FERRY3: variants seen among roughly 807,000 people sequenced by gnomAD.
FERRY3 encodes protein C12orf4.
chr12:4,507,740 T>G, the FERRY3 span, among the ~76,000 whole-genome samples: 1 of 152,202 alleles, frequency 6.6e-6, no homozygotes, highest in African/African-American at 2.4e-5. Flanking sequence ...ATGGTCTTTA[T>G]GGACTGATAC....
chr12:4,505,084 G>A, the FERRY3 span, among the ~76,000 whole-genome samples: 1 of 152,180 alleles, frequency 6.6e-6, no homozygotes, highest in East Asian at 1.9e-4. Context: ...CAGCCTGGGC[G>A]ACAGAACGAG....
chr12:4,490,676 T>A, the FERRY3 span: 2 of 1,065,058 alleles, frequency 1.9e-6, no homozygotes, highest in African/African-American at 1.6e-5. Context: ...GAATTTTCAC[T>A]GTGGGGCTTC....
the FERRY3 span, chr12:4,490,458 C>T: frequency 6.1e-6 from 8 of 1,310,376 alleles, no homozygotes; most frequent in South Asian, 1.1e-4. Context: ...GGATGCCTAG[C>T]TGTATCTGTG....
chr12:4,495,874 A>G, the FERRY3 span, among the ~76,000 whole-genome samples: 1 of 152,224 alleles, frequency 6.6e-6, no homozygotes, highest in Non-Finnish European at 1.5e-5. Flanking sequence ...CATCAATGCT[A>G]TTTAGAGAAT....
chr12:4,517,890 G>A, the FERRY3 span, among the ~76,000 whole-genome samples: 5 of 151,850 alleles, frequency 3.3e-5, no homozygotes, highest in Non-Finnish European at 7.4e-5. Context: ...GCACTCTATC[G>A]ATGCTACAGT....
At chr12:4,536,149 CAAATTCTCTCTCTCTATTGCAGAA>C in the FERRY3 span, 10 of 1,602,916 alleles carry the variant, frequency 6.2e-6, no homozygotes, top group African/African-American at 1.3e-5. Context: ...AATTTATATA[CAAATTCTCTCTCTCTATTGCAGAA>C]TCTTTCTCTG....
the FERRY3 span, chr12:4,529,736 A>C: frequency 2.8e-3 from 2,059 of 736,862 alleles, 26 homozygotes; most frequent in African/African-American, 0.034. Context: ...AACATACAAG[A>C]AAATTAATTT....
chr12:4,487,748 AT>A, the FERRY3 span: 4 of 152,154 alleles, frequency 2.6e-5, no homozygotes, highest in African/African-American at 9.7e-5. Flanking sequence ...TATTTTTAAA[AT>A]TTTTATTGTA....
At chr12:4,506,446 CAGAG>C in the FERRY3 span, among the ~76,000 whole-genome samples, 2 of 152,052 alleles carry the variant, frequency 1.3e-5, no homozygotes, top group Non-Finnish European at 1.5e-5. Flanking sequence ...AATCAAGAGT[CAGAG>C]AGATAGAAGG....
At chr12:4,531,175 G>A in the FERRY3 span, among the ~76,000 whole-genome samples, 1 of 152,206 alleles carries the variant, frequency 6.6e-6, no homozygotes, top group East Asian at 1.9e-4. Context: ...AAAGGCAGGA[G>A]ACTAGCTGAA....
the FERRY3 span, chr12:4,534,199 A>G: frequency 9.3e-6 from 15 of 1,611,356 alleles, no homozygotes; most frequent in Admixed American, 1.7e-5. Flanking sequence ...GCTGATGTAA[A>G]TCTACTTCAC....
At chr12:4,520,408 G>C in the FERRY3 span, among the ~76,000 whole-genome samples, 17 of 152,326 alleles carry the variant, frequency 1.1e-4, no homozygotes, top group African/African-American at 3.8e-4. Context: ...CTAGATTCAA[G>C]TAACAAGTAA....
chr12:4,519,225 T>C, the FERRY3 span, among the ~76,000 whole-genome samples: 1 of 152,218 alleles, frequency 6.6e-6, no homozygotes, highest in Non-Finnish European at 1.5e-5. The surrounding 1 kb of genome is among the most constrained non-coding windows in gnomAD (Gnocchi z 4.3). Context: ...AAATATATAA[T>C]ACATCCTATA....
the FERRY3 span, among the ~76,000 whole-genome samples, chr12:4,495,298 A>C: frequency 2.0e-5 from 3 of 152,208 alleles, no homozygotes; most frequent in African/African-American, 7.2e-5. Context: ...TATTACTCTA[A>C]AACCAATCAT....
the FERRY3 span, chr12:4,490,016 G>T: frequency 1.5e-6 from 1 of 645,718 alleles, no homozygotes. Context: ...AGTGCAGTAG[G>T]TGAAAATTAT....
chr12:4,499,688 C>G, the FERRY3 span, among the ~76,000 whole-genome samples: 2 of 152,178 alleles, frequency 1.3e-5, no homozygotes, highest in African/African-American at 4.8e-5. Flanking sequence ...AGCATCTCTT[C>G]CCAATACCTA....
At chr12:4,528,919 A>G in the FERRY3 span, among the ~76,000 whole-genome samples, 3 of 150,046 alleles carry the variant, frequency 2.0e-5, no homozygotes, top group Non-Finnish European at 4.5e-5. Flanking sequence ...ACACACACAC[A>G]CACACACACA....
At chr12:4,537,155 C>T in the FERRY3 span, among the ~76,000 whole-genome samples, 1 of 152,222 alleles carries the variant, frequency 6.6e-6, no homozygotes, top group Admixed American at 6.5e-5. Flanking sequence ...TCTGTCAACA[C>T]CAAACTTCTC....
the FERRY3 span, among the ~76,000 whole-genome samples, chr12:4,511,409 C>T: frequency 6.6e-6 from 1 of 152,188 alleles, no homozygotes; most frequent in African/African-American, 2.4e-5. Flanking sequence ...ATCTACAGAA[C>T]TCTCCACCCC....
Sources: allele counts gnomAD v4.1 joint callset (sites outside exome capture counted in the v4.1 genomes callset), GRCh38; gene constraint gnomAD v4.1.1; non-coding constraint Gnocchi (gnomAD v3.1); transcripts MANE v1.5; gene names NCBI Gene and HGNC (gene_info 2026-07-23, HGNC 2026-07-21).